CCDC187: variants seen among roughly 807,000 people sequenced by gnomAD.
The protein encoded by CCDC187 is coiled-coil domain-containing protein 187.
Under a neutral mutation model 38.0 loss-of-function variants are expected in CCDC187, and 32 were observed. That is an observed-to-expected ratio of 0.84 (90% confidence interval 0.64 to 1.13). The LOEUF is 1.13. Among genes scored for constraint, CCDC187 ranks in the 50% most tolerant of loss-of-function variants. The pLI is 0.00. For missense variants in CCDC187, 707 were observed against 786.8 expected, an observed-to-expected ratio of 0.90 and a Z score of 1.21; for synonymous variants, 333 against 347.9, an observed-to-expected ratio of 0.96 and a Z score of 0.48.
At chr9:136,279,694 C>T (rs1831002347) in intron 10 of CCDC187, among the ~76,000 whole-genome samples, 1 of 152,242 alleles carries the variant, frequency 6.6e-6, no homozygotes, top group Admixed American at 6.5e-5. Context: ...CTCTGGGAAG[C>T]TTGCTGCACC....
intron 9 of CCDC187, among the ~76,000 whole-genome samples, chr9:136,285,113 T>C (rs1831143404): frequency 6.6e-6 from 1 of 151,684 alleles, no homozygotes; most frequent in African/African-American, 2.4e-5. Flanking sequence ...GAGCCAGGTG[T>C]GTGAGGCTCC....
chr9:136,291,276 G>A lies in CCDC187; in HGVS notation c.1337C>T (p.Thr446Ile). The change falls in exon 6 of 26, where the codon ACC (threonine) becomes ATC (isoleucine). Residue 446 changes from threonine to isoleucine, a missense_variant. Transcript: ENST00000638797. ...AGTGGAGGAGCTCCAGGGCTCCCAG[G>A]TGTGGACACTCCTAGCCCTCTCTAA... ...SSLERARSVH[T>I]WEPWSSSTAR... is the part of the protein sequence containing the mutation. 1 of 398,844 alleles carries A rather than the reference G, an allele frequency of 2.5e-6. No individual in the cohort carries two copies. The highest frequency in any genetic ancestry group is 4.4e-6 in the Non-Finnish European group (1 of 226,192). 24.7% of individuals were successfully genotyped at this position (398,844 alleles called of 1,614,324 possible).
chr9:136,250,625 G>C lies in CCDC187; in HGVS notation c.*2969C>G, dbSNP rs781847025. 3 of 403,678 alleles carry C rather than the reference G, an allele frequency of 7.4e-6. No individual in the cohort carries two copies. Among genetic ancestry groups the C allele is most frequent in the Non-Finnish European group, 1.5e-5 (3 of 197,040 alleles). The allele number at this position is 403,678 out of a possible 1,614,324, so 25.0% of individuals were successfully genotyped here. A position where few individuals can be genotyped will look rare whatever the true frequency, so the allele number is the denominator to read the frequency against. Reference sequence around the variant, plus strand: ...TGAGAAAGCTGTAGCTCAGCTCAAAGTTTGTTCTGAAATTGGGAGCATGGA... The same window carrying C: ...TGAGAAAGCTGTAGCTCAGCTCAAACTTTGTTCTGAAATTGGGAGCATGGA... On this transcript the variant is annotated 3_prime_UTR_variant, in exon 26 of 26. Coordinates refer to ENST00000638797, the MANE Select transcript of CCDC187 (RefSeq NM_001378188.1).
Position 136,291,641 on chromosome 9 carries a change from G to A in CCDC187, c.972C>T (p.Asp324=). ...RDPALTVDLG[D]SEKVIAAKCS... is the part of the protein sequence containing the mutation. ...ACTTGGCAGCTATGACTTTCTCGCT[G>A]TCTCCTGCAAAGACAGGAGTGTCAG... Residue 324 remains aspartate (D), a synonymous_variant, in exon 6 of 26, where the codon GAC becomes GAT. Coordinates refer to ENST00000638797, the MANE Select transcript of CCDC187 (RefSeq NM_001378188.1). 2.5e-6 allele frequency: 1 copy of A among 398,808 alleles called. No individual in the cohort carries two copies. 24.7% of individuals were successfully genotyped at this position (398,808 alleles called of 1,614,324 possible). A position where few individuals can be genotyped will look rare whatever the true frequency, so the allele number is the denominator to read the frequency against.
intron 14 of CCDC187, among the ~76,000 whole-genome samples, chr9:136,269,113 G>T (rs1388669930): frequency 6.6e-6 from 1 of 152,320 alleles, no homozygotes; most frequent in East Asian, 1.9e-4. Flanking sequence ...CAGATGCTGG[G>T]ACAGAAGCGT....
intron 19 of CCDC187, among the ~76,000 whole-genome samples, chr9:136,261,270 C>T (rs1554760960): frequency 6.6e-6 from 1 of 152,158 alleles, no homozygotes; most frequent in East Asian, 1.9e-4. Context: ...TGTGGCAGGA[C>T]CCCCAGCAAA....
chr9:136,251,276 A>G lies in CCDC187; in HGVS notation c.*2318T>C, dbSNP rs1830532695. Reference sequence around the variant, plus strand: ...AAGAAAAGTCCATGGCACCAGGAGAAATCAGCTGCCCTGGCCTTCCAGGCA... The same window carrying G: ...AAGAAAAGTCCATGGCACCAGGAGAGATCAGCTGCCCTGGCCTTCCAGGCA... On this transcript the variant is annotated 3_prime_UTR_variant, in exon 26 of 26. Coordinates refer to ENST00000638797, the MANE Select transcript of CCDC187 (RefSeq NM_001378188.1). 3.0e-6 allele frequency: 1 copy of G among 329,210 alleles called. No homozygotes were observed. Among genetic ancestry groups the G allele is most frequent in the Admixed American group, 4.1e-5 (1 of 24,448 alleles). The allele number at this position is 329,210 out of a possible 1,614,324, so 20.4% of individuals were successfully genotyped here. A position where few individuals can be genotyped will look rare whatever the true frequency, so the allele number is the denominator to read the frequency against.
At chr9:136,275,356 A>G (rs1830911679) in intron 12 of CCDC187, among the ~76,000 whole-genome samples, 2 of 152,170 alleles carry the variant, frequency 1.3e-5, no homozygotes, top group African/African-American at 4.8e-5. Context: ...AAATCCTGTG[A>G]TGCGGGGAGC....
chr9:136,258,593 G>T lies in CCDC187; in HGVS notation c.4366+339C>A. 1 of 694,890 alleles carries T rather than the reference G, an allele frequency of 1.4e-6. No individual in the cohort carries two copies. Among genetic ancestry groups the T allele is most frequent in the Non-Finnish European group, 1.8e-6 (1 of 564,704 alleles). The allele number at this position is 694,890 out of a possible 1,614,324, so 43.0% of individuals were successfully genotyped here. ...TCAGAAAGAGAAAAATGTAATCGGT[G>T]CAGAAACCTCCGTCAGCTGAAGACG... On this transcript the variant is annotated intron_variant, in intron 22 of 25. Coordinates refer to ENST00000638797, the MANE Select transcript of CCDC187 (RefSeq NM_001378188.1). The surrounding 1 kb of genome is among the most constrained non-coding windows in gnomAD (Gnocchi z 4.3).
rs1032472983 is a variant in CCDC187 at position 136,290,901 on chromosome 9, C to T, written c.1712G>A (p.Arg571Gln). ...CTGCACGCCGGAGCTGCTCCAGGGC[C>T]GCTGGGCTGGAGGACTGGGCCTTTC... The part of the protein sequence containing the change: ...PLERPSPPAQ[R>Q]PWSSSGVQRA... Residue 571 changes from arginine (R) to glutamine (Q), a missense_variant, in exon 6 of 26, where the codon CGG (arginine) becomes CAG (glutamine). Arg to Gln is a conservative substitution (Grantham distance 43). Coordinates refer to ENST00000638797, the MANE Select transcript of CCDC187 (RefSeq NM_001378188.1). The T allele has an allele frequency of 7.0e-5, 28 of 398,490 alleles. No individual in the cohort carries two copies. The highest frequency in any genetic ancestry group is 1.0e-4 in the Non-Finnish European group (23 of 226,066). The allele number at this position is 398,490 out of a possible 1,614,324, so 24.7% of individuals were successfully genotyped here. A position where few individuals can be genotyped will look rare whatever the true frequency, so the allele number is the denominator to read the frequency against.
chr9:136,301,135 A>C (rs878949426), intron 2 of CCDC187, among the ~76,000 whole-genome samples: 132,817 of 152,206 alleles, frequency 0.87, 57,977 homozygotes, highest in East Asian at 0.9. Flanking sequence ...ACAGTATGGG[A>C]TTCAACTCCT....
At position 136,291,567 on chromosome 9, in the gene CCDC187, T is replaced by C; in HGVS notation, c.1046A>G (p.Asp349Gly). The change falls in exon 6 of 26, where the codon GAC becomes GGC. Residue 349 changes from aspartate to glycine, a missense_variant. Asp to Gly is a moderately conservative substitution (Grantham distance 94). Transcript: ENST00000638797. Reference protein sequence around the residue: ...QLPDATSAYSDQQVSGNTPSL... With the variant: ...QLPDATSAYSGQQVSGNTPSL... ...GGGTGTGTTCCCAGACACCTGCTGG[T>C]CACTGTAGGCGGAGGTGGCATCGGG... The C allele has an allele frequency of 2.5e-6, 1 of 398,774 alleles. No individual in the cohort carries two copies. The highest frequency in any genetic ancestry group is 4.4e-6 in the Non-Finnish European group (1 of 226,148). 24.7% of individuals were successfully genotyped at this position (398,774 alleles called of 1,614,324 possible).
At chr9:136,259,937 T>C (rs946038963) in intron 20 of CCDC187, among the ~76,000 whole-genome samples, 182 bp downstream of exon 20, 4 of 152,112 alleles carry the variant, frequency 2.6e-5, no homozygotes, top group Non-Finnish European at 4.4e-5. Flanking sequence ...GCAAACCCAC[T>C]GTGTGCTCTG....
chr9:136,294,655 C>G (rs1480376875), intron 4 of CCDC187, among the ~76,000 whole-genome samples: 2 of 152,232 alleles, frequency 1.3e-5, no homozygotes, highest in East Asian at 3.8e-4. Flanking sequence ...TGCCCTGACC[C>G]CTGGCCATCA....
intron 7 of CCDC187, among the ~76,000 whole-genome samples, chr9:136,288,569 CAG>C: frequency 6.6e-6 from 1 of 152,176 alleles, no homozygotes; most frequent in East Asian, 1.9e-4. Flanking sequence ...GAGGCCAGGC[CAG>C]AGAGTGTTTG....
In CCDC187 at chr9:136,254,132, C is replaced by T. The variant is rs1488938597; in HGVS notation, c.5696G>A (p.Gly1899Glu). 5.1e-6 allele frequency: 5 copies of T among 985,382 alleles called. No homozygotes were observed. The African/African-American group carries it at 7.0e-5, about 14-fold the overall frequency. 61.0% of individuals were successfully genotyped at this position (985,382 alleles called of 1,614,324 possible). A position where few individuals can be genotyped will look rare whatever the true frequency, so the allele number is the denominator to read the frequency against. ...VFPSWTSLSE[G>E]ADFGKGGETS... ...CTCTCCTCCTTTGCCGAAATCTGCC[C>T]CTTCACTCAAAGAGGTCCACGAAGG... The change falls in exon 26 of 26, where the codon GGG becomes GAG. Residue 1899 changes from glycine to glutamate, a missense_variant. By Grantham distance (98) the Gly-to-Glu change is moderately conservative. Transcript: ENST00000638797.
chr9:136,275,604 CAGA>C (rs1217193429), intron 12 of CCDC187, among the ~76,000 whole-genome samples: 1 of 152,190 alleles, frequency 6.6e-6, no homozygotes, highest in Non-Finnish European at 1.5e-5. Context: ...GTCCACCTCC[CAGA>C]AGGTTTATCC....
chr9:136,268,180 CAG>C (rs1830781830), intron 14 of CCDC187, 55 bp from the exon 15 acceptor site: 3 of 964,986 alleles, frequency 3.1e-6, no homozygotes, highest in Non-Finnish European at 3.7e-6. Flanking sequence ...TGCCCCGTGT[CAG>C]GGGCCATTTC....
chr9:136,281,850 G>C (rs1699304119), intron 9 of CCDC187, among the ~76,000 whole-genome samples, 187 bp from the exon 10 acceptor site: 1 of 152,212 alleles, frequency 6.6e-6, no homozygotes, highest in Non-Finnish European at 1.5e-5. Flanking sequence ...GGAAGGGCCT[G>C]AGGCCTGGGA....
Sources: allele counts gnomAD v4.1 joint callset (sites outside exome capture counted in the v4.1 genomes callset), GRCh38; gene constraint gnomAD v4.1.1; non-coding constraint Gnocchi (gnomAD v3.1); transcripts MANE v1.5; gene names NCBI Gene and HGNC (gene_info 2026-07-23, HGNC 2026-07-21).